The following KIRREL3 variants were observed in gnomAD, a reference collection of about 807,000 sequenced individuals.
KIRREL3 encodes kirre like nephrin family adhesion molecule 3, also known as kin of IRRE-like protein 3.
In KIRREL3, 36 loss-of-function variants were observed where a neutral mutation model predicts 89.7. That is an observed-to-expected ratio of 0.40 (90% CI 0.31 to 0.53). The LOEUF is 0.53. KIRREL3 is among the 20% of genes least tolerant of loss of function. KIRREL3 has a pLI of 0.49. For missense variants in KIRREL3, 864 were observed against 1,056.6 expected (o/e 0.82, Z 2.53); for synonymous variants, 445 against 441.4 (o/e 1.01, Z -0.10).
At chr11:126,425,776 T>C (rs1269047760) in intron 15 of KIRREL3, 52 bp from the exon 16 acceptor site, 3 of 1,404,046 alleles carry the variant, frequency 2.1e-6, no homozygotes, top group South Asian at 2.5e-5. Flanking sequence ...AAACCTCCAC[T>C]TCCCCCAAGG....
intron 1 of KIRREL3, among the ~76,000 whole-genome samples, chr11:126,595,089 A>G (rs1417501735): frequency 6.6e-6 from 1 of 152,224 alleles, no homozygotes; most frequent in African/African-American, 2.4e-5. Context: ...GGATGGTGAC[A>G]AGGCCTGAGG....
At chr11:126,951,132 G>A (rs1352033466) in intron 1 of KIRREL3, among the ~76,000 whole-genome samples, 1 of 152,296 alleles carries the variant, frequency 6.6e-6, no homozygotes, top group South Asian at 2.1e-4. Flanking sequence ...ATCTTTTGGG[G>A]GGCCATCATC....
At position 126,694,433 on chromosome 11, in the gene KIRREL3, G is replaced by A. The variant is rs78817177; in HGVS notation, c.56-131521C>T. On this transcript the variant is annotated intron_variant, in intron 1 of 16. Transcript: ENST00000525144. The surrounding 1 kb of genome is among the most constrained non-coding windows in gnomAD (Gnocchi z 4.4). ...TCTGATTGTGTCAGCATCACGCTCCGTGACATTTAAAAGTGGGGAAGGAAA... is the reference window on the plus strand; with the variant it reads ...TCTGATTGTGTCAGCATCACGCTCCATGACATTTAAAAGTGGGGAAGGAAA... 0.032 allele frequency among the ~76,000 whole-genome samples: 4,820 copies of A among 152,224 alleles called. 181 individuals carry two copies. The highest frequency in any genetic ancestry group is 0.093 in the African/African-American group (3,856 of 41,510).
rs137888237 is a variant in KIRREL3, at chr11:126,955,193, C to T, written c.55+45262G>A. On this transcript the variant is annotated intron_variant, in intron 1 of 16. Transcript: ENST00000525144. The surrounding 1 kb of genome is among the most constrained non-coding windows in gnomAD (Gnocchi z 4.6). ...TTAGGGGAAGGGGCCAACAGGGTAACGTGGTAATGAAGGAGATGGCAAAGT... is the reference window on the plus strand; with the variant it reads ...TTAGGGGAAGGGGCCAACAGGGTAATGTGGTAATGAAGGAGATGGCAAAGT... 7.9e-3 allele frequency among the ~76,000 whole-genome samples: 1,210 copies of T among 152,266 alleles called. 7 individuals carry two copies. Among genetic ancestry groups the T allele is most frequent in the Non-Finnish European group, 0.012 (823 of 68,024 alleles).
At chr11:126,825,587 G>A (rs1241942192) in intron 1 of KIRREL3, among the ~76,000 whole-genome samples, 2 of 152,156 alleles carry the variant, frequency 1.3e-5, no homozygotes, top group Non-Finnish European at 2.9e-5. Context: ...AAAATCACAG[G>A]CTACTGCTGT....
intron 1 of KIRREL3, among the ~76,000 whole-genome samples, chr11:126,593,046 G>C (rs1942223993): frequency 6.6e-6 from 1 of 152,170 alleles, no homozygotes; most frequent in African/African-American, 2.4e-5. Context: ...GAAGCCTCCA[G>C]CTCCCACCCC....
chr11:126,851,062 T>C (rs1944324052), intron 1 of KIRREL3, among the ~76,000 whole-genome samples: 1 of 152,268 alleles, frequency 6.6e-6, no homozygotes, highest in South Asian at 2.1e-4. Flanking sequence ...CTGAAGGTGA[T>C]AGGGCCTTGA....
intron 1 of KIRREL3, among the ~76,000 whole-genome samples, chr11:126,720,934 A>G (rs10736553): frequency 0.88 from 133,228 of 152,174 alleles, 58,477 homozygotes; most frequent in East Asian, 0.99. Context: ...GCAGGGAACA[A>G]TCTGGGAGAA....
In KIRREL3 at chr11:126,791,739, G is replaced by T. The variant is rs1565734805; in HGVS notation, c.55+208716C>A. Among the ~76,000 whole-genome samples, 1 of 152,194 alleles carries T rather than the reference G, an allele frequency of 6.6e-6. No homozygotes were observed. The highest frequency in any genetic ancestry group is 1.5e-5 in the Non-Finnish European group (1 of 68,046). On this transcript the variant is annotated intron_variant, in intron 1 of 16. Transcript: ENST00000525144. The surrounding 1 kb of genome is among the most constrained non-coding windows in gnomAD (Gnocchi z 4.8). ...GAAAGAGGGAGAGGGAACAGAGAGG[G>T]ATGGCCAGACCTTGCCTTCTTTGAT... is the stretch of plus-strand genomic sequence containing the variant.
rs575858806 is a variant in KIRREL3, at chr11:127,000,129, A to G, written c.55+326T>C. On this transcript the variant is annotated intron_variant, in intron 1 of 16. Transcript: ENST00000525144. The surrounding 1 kb of genome is among the most constrained non-coding windows in gnomAD (Gnocchi z 7.1). ...GAGGTGCCCAGAAGTTCAGAGCGGC[A>G]TAACCACAGAGATACTACCTAATTA... is the stretch of plus-strand genomic sequence containing the variant. Among the ~76,000 whole-genome samples, 26 of 152,310 alleles carry G rather than the reference A, an allele frequency of 1.7e-4. No individual in the cohort carries two copies. The highest frequency in any genetic ancestry group is 5.3e-4 in the African/African-American group (22 of 41,566).
rs113313026 is a variant in KIRREL3 at position 126,530,246 on chromosome 11, G to A, written c.134-3559C>T. On this transcript the variant is annotated intron_variant, in intron 2 of 16. Transcript: ENST00000525144. The surrounding 1 kb of genome is among the most constrained non-coding windows in gnomAD (Gnocchi z 5.8). ...ATTACAGGTATGCACCAGCATGTCC[G>A]GCTGATTTTCATATTTTTAATAGAG... Among the ~76,000 whole-genome samples, 19,925 of 152,028 alleles carry A rather than the reference G, an allele frequency of 0.13. 1,574 individuals carry two copies. Among genetic ancestry groups the A allele is most frequent in the Middle Eastern group, 0.2 (58 of 294 alleles).
At chr11:126,681,334 G>A (rs1946443089) in intron 1 of KIRREL3, among the ~76,000 whole-genome samples, 1 of 152,198 alleles carries the variant, frequency 6.6e-6, no homozygotes, top group South Asian at 2.1e-4. Flanking sequence ...TCCAGGAAAA[G>A]TGATGATTGA....
At chr11:126,979,588 A>G (rs191127934) in intron 1 of KIRREL3, among the ~76,000 whole-genome samples, 26 of 152,322 alleles carry the variant, frequency 1.7e-4, no homozygotes, top group African/African-American at 6.3e-4. Flanking sequence ...AGGCGGAGAT[A>G]GAGGCTTGAG....
At chr11:126,638,084 AC>A (rs1944334103) in intron 1 of KIRREL3, among the ~76,000 whole-genome samples, 1 of 152,236 alleles carries the variant, frequency 6.6e-6, no homozygotes, top group Non-Finnish European at 1.5e-5. Context: ...TAAAATCTAT[AC>A]TTACTCAAAT....
At chr11:126,829,276 A>G (rs4643083) in intron 1 of KIRREL3, among the ~76,000 whole-genome samples, 131,423 of 152,212 alleles carry the variant, frequency 0.86, 57,091 homozygotes, top group East Asian at 1. Context: ...TGGCAAAGCC[A>G]AGAGGGTTTT....
chr11:126,901,990 T>C (rs1940002), intron 1 of KIRREL3, among the ~76,000 whole-genome samples: 96,466 of 152,076 alleles, frequency 0.63, 32,428 homozygotes, highest in African/African-American at 0.86. Context: ...GTCATAGGGC[T>C]GGGCCCTGCC....
At chr11:126,732,665 ACACCATCTCT>A (rs1948667590) in intron 1 of KIRREL3, among the ~76,000 whole-genome samples, 1 of 152,222 alleles carries the variant, frequency 6.6e-6, no homozygotes, top group Non-Finnish European at 1.5e-5. Context: ...CTGAACCAGG[ACACCATCTCT>A]GGGTTGGTGG....
At chr11:126,580,066 C>T (rs1393828068) in intron 1 of KIRREL3, among the ~76,000 whole-genome samples, 2 of 152,086 alleles carry the variant, frequency 1.3e-5, no homozygotes, top group African/African-American at 2.4e-5. Context: ...AGGATGGTCT[C>T]GATCTCCTGA....
At position 126,654,537 on chromosome 11, in the gene KIRREL3, G is replaced by A. The variant is rs1945046233; in HGVS notation, c.56-91625C>T. Among the ~76,000 whole-genome samples the A allele has an allele frequency of 2.6e-5, 4 of 152,094 alleles. No individual in the cohort carries two copies. The South Asian group carries it at 8.3e-4, about 32-fold the overall frequency. On this transcript the variant is annotated intron_variant, in intron 1 of 16. Transcript: ENST00000525144. Reference sequence around the variant, plus strand: ...AGAAACTACGGGTAACAGTTAAAGAGGAAGAGCATGTGTAATGTAGGAAGC... The same window carrying A: ...AGAAACTACGGGTAACAGTTAAAGAAGAAGAGCATGTGTAATGTAGGAAGC...
Sources: allele counts gnomAD v4.1 joint callset (sites outside exome capture counted in the v4.1 genomes callset), GRCh38; gene constraint gnomAD v4.1.1; non-coding constraint Gnocchi (gnomAD v3.1); transcripts MANE v1.5; gene names NCBI Gene and HGNC (gene_info 2026-07-23, HGNC 2026-07-21).